Variants in SHANK2 observed in about 807,000 individuals in gnomAD.
SHANK2 encodes the protein SH3 and multiple ankyrin repeat domains protein 2.
SHANK2 carries 43 observed loss-of-function variants against 133.7 expected under a neutral mutation model. The observed-to-expected ratio is 0.32, with a 90% confidence interval of 0.25 to 0.41. The LOEUF (loss-of-function observed/expected upper bound fraction) is 0.41. SHANK2 is among the 10% of genes least tolerant of loss of function. The pLI is 1.00. For missense variants in SHANK2, 1,994 were observed against 2,235.8 expected, an observed-to-expected ratio of 0.89 and a Z score of 2.18; for synonymous variants, 1,017 against 952.8, an observed-to-expected ratio of 1.07 and a Z score of -1.24.
chr11:71,155,601 G>A lies in SHANK2; in HGVS notation c.-12-8263C>T, dbSNP rs1952893040. Reference sequence around the variant, plus strand: ...GGTCTGAGGATCCCACCACACCAATGCCGGGATTCAGTCTAGCACCACCTC... The same window carrying A: ...GGTCTGAGGATCCCACCACACCAATACCGGGATTCAGTCTAGCACCACCTC... On this transcript the variant is annotated intron_variant, in intron 2 of 25. Coordinates refer to ENST00000601538, the MANE Select transcript of SHANK2 (RefSeq NM_012309.5). Among the ~76,000 whole-genome samples, 3 of 152,162 alleles carry A rather than the reference G, an allele frequency of 2.0e-5. No homozygotes were observed. In the South Asian group the frequency reaches 6.2e-4, roughly 32 times the overall value.
chr11:70,953,679 G>A (rs1950876835), intron 10 of SHANK2, among the ~76,000 whole-genome samples: 1 of 152,164 alleles, frequency 6.6e-6, no homozygotes, highest in Non-Finnish European at 1.5e-5. Context: ...ACTGGATGGT[G>A]CCCACCCATA....
At chr11:70,550,404 G>A (rs1209576764) in intron 17 of SHANK2, among the ~76,000 whole-genome samples, 4 of 152,196 alleles carry the variant, frequency 2.6e-5, no homozygotes, top group Non-Finnish European at 5.9e-5. Context: ...CCCCCAGGTG[G>A]GCTGGGGCAG....
rs112524666 is a variant in SHANK2 at position 70,917,502 on chromosome 11, C to T, written c.1108-20935G>A. 6.8e-3 allele frequency among the ~76,000 whole-genome samples: 1,029 copies of T among 152,286 alleles called. 10 individuals are homozygous for T. Among genetic ancestry groups the T allele is most frequent in the African/African-American group, 0.024 (992 of 41,546 alleles). On this transcript the variant is annotated intron_variant, in intron 10 of 25. Coordinates refer to ENST00000601538, the MANE Select transcript of SHANK2 (RefSeq NM_012309.5). ...GCCATTCGACTCAGCAATCCCATTA[C>T]GGGGTATATACACAAAGGAATATAA...
At chr11:70,895,773 C>T (rs1381557812) in intron 11 of SHANK2, among the ~76,000 whole-genome samples, 2 of 152,192 alleles carry the variant, frequency 1.3e-5, no homozygotes, top group African/African-American at 2.4e-5. Context: ...AATCAAGAGC[C>T]GTGCCCTACA....
At chr11:70,528,091 A>C (rs1591539254) in intron 17 of SHANK2, among the ~76,000 whole-genome samples, 1 of 152,358 alleles carries the variant, frequency 6.6e-6, no homozygotes, top group Admixed American at 6.5e-5. Flanking sequence ...GACAAGGCAG[A>C]AGGTAGGAAC....
At chr11:71,245,985 G>A (rs186122073) in intron 1 of SHANK2, among the ~76,000 whole-genome samples, 136 of 152,232 alleles carry the variant, frequency 8.9e-4, no homozygotes, top group Middle Eastern at 3.4e-3. Context: ...ACATTTGTGC[G>A]GGGTGGCAGG....
At chr11:70,738,411 G>A (rs1194996871) in intron 14 of SHANK2, among the ~76,000 whole-genome samples, 1 of 152,244 alleles carries the variant, frequency 6.6e-6, no homozygotes, top group East Asian at 1.9e-4. Context: ...CTTGTTTGCA[G>A]GTCACAAGTT....
chr11:70,561,949 C>T (rs2059912704), intron 17 of SHANK2, among the ~76,000 whole-genome samples: 2 of 152,200 alleles, frequency 1.3e-5, no homozygotes, highest in Admixed American at 1.3e-4. Flanking sequence ...GAAATGTTCC[C>T]TTACAGACAC....
At chr11:70,767,792 G>C (rs1555041742) in intron 14 of SHANK2, among the ~76,000 whole-genome samples, 1 of 152,060 alleles carries the variant, frequency 6.6e-6, no homozygotes, top group Non-Finnish European at 1.5e-5. Context: ...ACAACTCCAG[G>C]AGTATCTAAA....
At chr11:71,179,176 T>C (rs1555113462) in intron 2 of SHANK2, among the ~76,000 whole-genome samples, 1 of 151,850 alleles carries the variant, frequency 6.6e-6, no homozygotes, top group East Asian at 1.9e-4. Flanking sequence ...ATGCAAAAAG[T>C]CAAAATAAAA....
chr11:70,576,014 C>T (rs1440079818), intron 17 of SHANK2, among the ~76,000 whole-genome samples: 1 of 152,066 alleles, frequency 6.6e-6, no homozygotes, highest in Non-Finnish European at 1.5e-5. Flanking sequence ...CTTCGGTGTG[C>T]TGCATGTCCC....
At chr11:70,792,925 A>T (rs1947825945) in intron 14 of SHANK2, among the ~76,000 whole-genome samples, 1 of 152,180 alleles carries the variant, frequency 6.6e-6, no homozygotes, top group Non-Finnish European at 1.5e-5. Context: ...GTCTCTACAA[A>T]AAAATACACT....
chr11:70,584,959 G>A (rs2060229412), intron 17 of SHANK2, among the ~76,000 whole-genome samples: 1 of 152,238 alleles, frequency 6.6e-6, no homozygotes, highest in African/African-American at 2.4e-5. Flanking sequence ...GCATGCTGGT[G>A]CCTGAGATCG....
intron 14 of SHANK2, among the ~76,000 whole-genome samples, chr11:70,778,940 A>T (rs1555044521): frequency 6.6e-6 from 1 of 151,994 alleles, no homozygotes; most frequent in African/African-American, 2.4e-5. Context: ...TTTTGCAGAC[A>T]CCACATCCTG....
At chr11:71,104,274 G>A (rs190725037) in intron 6 of SHANK2, among the ~76,000 whole-genome samples, 144 of 152,260 alleles carry the variant, frequency 9.5e-4, no homozygotes, top group African/African-American at 3.4e-3. Context: ...CAGAGAAGTA[G>A]GGGTTAATGT....
chr11:70,857,855 C>T (rs752491131), intron 11 of SHANK2, among the ~76,000 whole-genome samples: 2 of 152,174 alleles, frequency 1.3e-5, no homozygotes, highest in Non-Finnish European at 2.9e-5. Flanking sequence ...AGTCACACAC[C>T]ATGTTCCACG....
intron 14 of SHANK2, among the ~76,000 whole-genome samples, chr11:70,731,485 A>G (rs1304233996): frequency 3.3e-5 from 5 of 152,234 alleles, no homozygotes; most frequent in African/African-American, 1.2e-4. Flanking sequence ...GGCATTTCAC[A>G]GAAATGGAAT....
intron 10 of SHANK2, chr11:70,933,258 C>G (rs1344219598): frequency 6.6e-6 from 3 of 455,576 alleles, no homozygotes; most frequent in African/African-American, 6.0e-5. Flanking sequence ...GTGAAATAAA[C>G]CAGTCACAAA....
At chr11:70,875,004 T>C (rs937391900) in intron 11 of SHANK2, among the ~76,000 whole-genome samples, 8 of 152,356 alleles carry the variant, frequency 5.3e-5, no homozygotes, top group South Asian at 4.1e-4. Flanking sequence ...TCATACAGAA[T>C]ATGGTATTCA....
Sources: gnomAD v4.1 joint callset for allele counts (sites outside exome capture counted in the v4.1 genomes callset) on GRCh38, gnomAD v4.1.1 for gene constraint, MANE v1.5 for transcripts, NCBI Gene and HGNC (gene_info 2026-07-23, HGNC 2026-07-21) for gene names.